Variants in HDAC4 observed in about 807,000 individuals in gnomAD.
The protein encoded by HDAC4 is histone deacetylase A.
A neutral mutation model predicts 135.1 loss-of-function variants in HDAC4; 16 were observed. The ratio of observed to expected loss-of-function variants is 0.12; its 90% CI spans 0.08 to 0.18. The LOEUF (loss-of-function observed/expected upper bound fraction) is 0.18, where lower values mean the gene tolerates loss of function less well. HDAC4 is among the 10% of genes least tolerant of loss of function. The pLI is 1.00. For synonymous variants in HDAC4, 685 were observed against 653.4 expected, an observed-to-expected ratio of 1.05 and a Z score of -0.74; for missense variants, 1,143 against 1,511.8, an observed-to-expected ratio of 0.76 and a Z score of 4.05.
At chr2:239,206,234 G>A (rs1411340700) in intron 3 of HDAC4, among the ~76,000 whole-genome samples, 2 of 152,120 alleles carry the variant, frequency 1.3e-5, no homozygotes, top group Non-Finnish European at 2.9e-5. Context: ...AGGCTGAGGC[G>A]GGAAGATGGC....
chr2:239,162,209 C>T (rs1178470876), intron 6 of HDAC4: 1 of 456,740 alleles, frequency 2.2e-6, no homozygotes. Flanking sequence ...CCGTGCTTGC[C>T]CCACTCCTAT....
chr2:239,125,357 C>G (rs999100150), intron 12 of HDAC4, among the ~76,000 whole-genome samples: 2 of 152,202 alleles, frequency 1.3e-5, no homozygotes, highest in African/African-American at 4.8e-5. Context: ...GCCCGCTCCC[C>G]CTTCGCCTAC....
intron 3 of HDAC4, among the ~76,000 whole-genome samples, chr2:239,208,024 A>G (rs910840571): frequency 1.6e-4 from 25 of 152,146 alleles, no homozygotes; most frequent in Non-Finnish European, 3.2e-4. Context: ...GTTTTAACAC[A>G]AGAAAACACA....
chr2:239,370,859 TACAG>T (rs1422695237), intron 1 of HDAC4, among the ~76,000 whole-genome samples: 1 of 152,214 alleles, frequency 6.6e-6, no homozygotes, highest in Non-Finnish European at 1.5e-5. Flanking sequence ...TGGGATGAAT[TACAG>T]ACAGCTAAAT....
At chr2:239,172,581 C>A (rs1437911408) in intron 5 of HDAC4, among the ~76,000 whole-genome samples, 5 of 151,892 alleles carry the variant, frequency 3.3e-5, no homozygotes, top group Non-Finnish European at 7.4e-5. Context: ...CTCTATGTAT[C>A]TATATCAAAA....
intron 9 of HDAC4, among the ~76,000 whole-genome samples, chr2:239,137,646 A>G (rs1329634810): frequency 6.6e-6 from 1 of 151,774 alleles, no homozygotes; most frequent in East Asian, 1.9e-4. Context: ...ATCCTCATCC[A>G]CTCGAGACAC....
At position 239,331,387 on chromosome 2, in the gene HDAC4, G is replaced by A. The variant is rs921702907; in HGVS notation, c.22+21291C>T. Among the ~76,000 whole-genome samples the A allele has an allele frequency of 3.9e-5, 6 of 152,112 alleles. No individual in the cohort carries two copies. The highest frequency in any genetic ancestry group is 1.9e-4 in the East Asian group (1 of 5,188). ...AGATTTTAGAGCATTTATAAGGTGC[G>A]ACATAAATCACCTCATAAAATATCT... is the stretch of plus-strand genomic sequence containing the variant. On this transcript the variant is annotated intron_variant, in intron 2 of 26. Coordinates refer to ENST00000543185, the MANE Select transcript of HDAC4 (RefSeq NM_001378414.1). The surrounding 1 kb of genome is among the most constrained non-coding windows in gnomAD (Gnocchi z 4.5).
chr2:239,180,138 C>A (rs778090235), intron 4 of HDAC4, among the ~76,000 whole-genome samples: 1 of 152,190 alleles, frequency 6.6e-6, no homozygotes, highest in Non-Finnish European at 1.5e-5. Context: ...AAGCTTCACA[C>A]CCTTGCTGCC....
intron 22 of HDAC4, among the ~76,000 whole-genome samples, chr2:239,074,430 G>A (rs1199270235): frequency 3.9e-5 from 6 of 152,228 alleles, no homozygotes; most frequent in East Asian, 3.9e-4. Flanking sequence ...GAAAATCGCC[G>A]TTAAATGAAG....
chr2:239,233,382 T>C (rs561671994), intron 3 of HDAC4, among the ~76,000 whole-genome samples: 4 of 152,026 alleles, frequency 2.6e-5, no homozygotes, highest in Admixed American at 1.3e-4. Context: ...GCAATGCTCA[T>C]TGGGGCATTT....
At chr2:239,194,923 C>T (rs2045270696) in intron 3 of HDAC4, among the ~76,000 whole-genome samples, 1 of 152,218 alleles carries the variant, frequency 6.6e-6, no homozygotes, top group African/African-American at 2.4e-5. Context: ...AGGCAAGTTA[C>T]TCCTCGCAGA....
chr2:239,359,733 C>G (rs1039041458), intron 1 of HDAC4, among the ~76,000 whole-genome samples: 1 of 152,184 alleles, frequency 6.6e-6, no homozygotes, highest in African/African-American at 2.4e-5. Flanking sequence ...AGGAACCACC[C>G]ACAGCCTCCT....
chr2:239,155,810 T>C (rs75738040), intron 7 of HDAC4, among the ~76,000 whole-genome samples: 1,793 of 152,344 alleles, frequency 0.012, 46 homozygotes, highest in African/African-American at 0.041. Context: ...TTTCCCACAC[T>C]GTCTTGCAGT....
intron 2 of HDAC4, among the ~76,000 whole-genome samples, chr2:239,322,711 G>A (rs908233083): frequency 7.2e-5 from 11 of 152,130 alleles, no homozygotes; most frequent in African/African-American, 2.4e-4. Context: ...GTGTGTGGAC[G>A]GGAACCAGCC....
chr2:239,111,460 G>GC, intron 14 of HDAC4, 66 bp downstream of exon 14: 7 of 1,473,130 alleles, frequency 4.8e-6, no homozygotes, highest in Non-Finnish European at 4.6e-6. Flanking sequence ...GCCGGGAAGA[G>GC]CCCCCCGCGC....
chr2:239,383,833 T>C (rs1695592625), intron 1 of HDAC4, among the ~76,000 whole-genome samples: 1 of 152,060 alleles, frequency 6.6e-6, no homozygotes, highest in Non-Finnish European at 1.5e-5. Flanking sequence ...GGAAACAGGA[T>C]GCAGACAGGA....
chr2:239,063,408 G>A (rs1395077987), intron 24 of HDAC4, among the ~76,000 whole-genome samples: 3 of 152,030 alleles, frequency 2.0e-5, no homozygotes, highest in Admixed American at 6.5e-5. Flanking sequence ...GTTTCACCAT[G>A]TTAGCCAGGA....
chr2:239,374,258 AT>A (rs1694832714), intron 1 of HDAC4, among the ~76,000 whole-genome samples: 2 of 152,210 alleles, frequency 1.3e-5, no homozygotes, highest in African/African-American at 4.8e-5. Flanking sequence ...CCAAAATGGC[AT>A]TCACAGGAAT....
Position 239,134,236 on chromosome 2 carries a change from T to G in HDAC4, c.1294+9A>C, listed in dbSNP as rs773690591. On this transcript the variant is annotated intron_variant, in intron 11 of 26. Transcript: ENST00000543185. Reference sequence around the variant, plus strand: ...GAGCCTGGCTGCACCCAGGCCCATTTGTGCTCACCTGTGACGAGGGGTGCT... The same window carrying G: ...GAGCCTGGCTGCACCCAGGCCCATTGGTGCTCACCTGTGACGAGGGGTGCT... 2 of 1,607,460 alleles carry G rather than the reference T, an allele frequency of 1.2e-6. No individual in the cohort carries two copies. Among genetic ancestry groups the G allele is most frequent in the East Asian group, 2.2e-5 (1 of 44,888 alleles).
Sources: gnomAD v4.1 joint callset for allele counts (sites outside exome capture counted in the v4.1 genomes callset) on GRCh38, gnomAD v4.1.1 for gene constraint, Gnocchi (gnomAD v3.1) non-coding constraint, MANE v1.5 for transcripts, NCBI Gene and HGNC (gene_info 2026-07-23, HGNC 2026-07-21) for gene names.